Variants in CDH6 observed in about 807,000 individuals in gnomAD.
CDH6 encodes cadherin-6.
In CDH6, 31 loss-of-function variants were observed where a neutral mutation model predicts 78.0. That is an observed-to-expected ratio of 0.40 (90% CI 0.30 to 0.54). The LOEUF (loss-of-function observed/expected upper bound fraction) is 0.54. Ranked by LOEUF, CDH6 falls within the 20% of genes least tolerant of loss-of-function variation. The pLI is 0.56. For synonymous variants in CDH6, 376 were observed against 368.8 expected (o/e 1.02, Z -0.23); for missense variants, 724 against 975.9 (o/e 0.74, Z 3.44).
At chr5:31,196,879 C>T (rs1740182549) in intron 1 of CDH6, among the ~76,000 whole-genome samples, 1 of 152,022 alleles carries the variant, frequency 6.6e-6, no homozygotes, top group Admixed American at 6.6e-5. Context: ...ACTCTACTTC[C>T]TTACTTCTAA....
intron 1 of CDH6, among the ~76,000 whole-genome samples, chr5:31,217,853 G>A (rs988257820): frequency 1.3e-5 from 2 of 151,982 alleles, no homozygotes; most frequent in Non-Finnish European, 2.9e-5. Context: ...TTCCTGTTTC[G>A]TTTAAGCTAT....
intron 1 of CDH6, among the ~76,000 whole-genome samples, chr5:31,262,318 C>T (rs965251159): frequency 6.6e-6 from 1 of 152,212 alleles, no homozygotes; most frequent in Non-Finnish European, 1.5e-5. Flanking sequence ...TATCCATAAA[C>T]ATCTCAATTA....
At chr5:31,293,334 A>T (rs1390021581) in intron 2 of CDH6, among the ~76,000 whole-genome samples, 1 of 152,018 alleles carries the variant, frequency 6.6e-6, no homozygotes, top group Non-Finnish European at 1.5e-5. Context: ...GGCAGCACTT[A>T]GGATATTTCT....
chr5:31,230,820 G>A (rs961690884), intron 1 of CDH6, among the ~76,000 whole-genome samples: 7 of 152,168 alleles, frequency 4.6e-5, no homozygotes, highest in Admixed American at 1.3e-4. Flanking sequence ...ATAGCATCCA[G>A]GTAAAAATAT....
intron 7 of CDH6, among the ~76,000 whole-genome samples, chr5:31,306,474 ATG>A (rs1282856849): frequency 2.0e-5 from 3 of 152,178 alleles, no homozygotes; most frequent in African/African-American, 7.2e-5. Context: ...AGTTGACTAA[ATG>A]AGAAAAGTGC....
chr5:31,315,462 A>G (rs971337722), intron 8 of CDH6, among the ~76,000 whole-genome samples: 1 of 152,240 alleles, frequency 6.6e-6, no homozygotes, highest in Non-Finnish European at 1.5e-5. Context: ...TACACTAGAA[A>G]TCTGTCTTCC....
rs1425484100 is a variant in CDH6 at position 31,317,318 on chromosome 5, T to G, written c.1513-57T>G. On this transcript the variant is annotated intron_variant, in intron 9 of 11. Coordinates refer to ENST00000265071, the MANE Select transcript of CDH6 (RefSeq NM_004932.4). ...TGTCAAGCAATTTATTGCAAAACGG[T>G]AAGAAACACTTTTGAGTTATCAAAA... The G allele has an allele frequency of 7.2e-6, 6 of 827,836 alleles. No homozygotes were observed. In the Admixed American group the frequency reaches 1.4e-4, roughly 19 times the overall value. 51.3% of individuals were successfully genotyped at this position (827,836 alleles called of 1,614,324 possible). A position where few individuals can be genotyped will look rare whatever the true frequency, so the allele number is the denominator to read the frequency against.
At chr5:31,302,972 G>GA (rs1293887009) in intron 6 of CDH6, among the ~76,000 whole-genome samples, 10 of 142,038 alleles carry the variant, frequency 7.0e-5, no homozygotes, top group East Asian at 2.1e-4. Flanking sequence ...AGAAAAGAAA[G>GA]AAAGAAAGAA....
At chr5:31,267,773 G>A in intron 2 of CDH6, 72 bp downstream of exon 2, 3 of 1,129,634 alleles carry the variant, frequency 2.7e-6, no homozygotes, top group African/African-American at 1.5e-5. Flanking sequence ...AAATAGATGG[G>A]GAGGATGTGT....
chr5:31,301,957 TAAG>T (rs1319110596), intron 5 of CDH6, among the ~76,000 whole-genome samples, 151 bp from the exon 6 acceptor site: 1 of 152,190 alleles, frequency 6.6e-6, no homozygotes, highest in Non-Finnish European at 1.5e-5. Flanking sequence ...AAAGTAGACA[TAAG>T]AAGAACAGGC....
intron 7 of CDH6, among the ~76,000 whole-genome samples, chr5:31,311,602 G>A (rs1738156843): frequency 6.6e-6 from 1 of 152,230 alleles, no homozygotes; most frequent in Admixed American, 6.5e-5. Flanking sequence ...AACTACCTGA[G>A]ACTGCGTAAT....
chr5:31,248,775 G>T (rs1741828170), intron 1 of CDH6, among the ~76,000 whole-genome samples: 1 of 152,068 alleles, frequency 6.6e-6, no homozygotes, highest in Admixed American at 6.6e-5. Context: ...AACCTAGGTA[G>T]TATTATGAGA....
intron 1 of CDH6, among the ~76,000 whole-genome samples, chr5:31,236,857 C>T (rs1209191097): frequency 6.6e-6 from 1 of 152,180 alleles, no homozygotes; most frequent in Non-Finnish European, 1.5e-5. Context: ...TCTCCTCTAA[C>T]TGTCTTTCAT....
At chr5:31,279,217 A>G (rs1322541994) in intron 2 of CDH6, among the ~76,000 whole-genome samples, 2 of 152,174 alleles carry the variant, frequency 1.3e-5, no homozygotes, top group Non-Finnish European at 2.9e-5. Context: ...CATATTGTGT[A>G]TGTTATATTT....
chr5:31,195,772 A>T (rs896249593), intron 1 of CDH6, among the ~76,000 whole-genome samples: 14 of 152,134 alleles, frequency 9.2e-5, no homozygotes, highest in African/African-American at 3.4e-4. Context: ...TTGCTCTTTG[A>T]TGTGTTCTAA....
chr5:31,296,965 A>G (rs1737627271), intron 3 of CDH6, among the ~76,000 whole-genome samples: 1 of 152,136 alleles, frequency 6.6e-6, no homozygotes, highest in African/African-American at 2.4e-5. Flanking sequence ...CAAGATGCTG[A>G]TTGACTTTGT....
At chr5:31,290,992 G>A (rs895716275) in intron 2 of CDH6, among the ~76,000 whole-genome samples, 5 of 152,076 alleles carry the variant, frequency 3.3e-5, no homozygotes, top group East Asian at 1.9e-4. Context: ...ATAAGTCATC[G>A]AAATGGTCTC....
chr5:31,305,260 G>T lies in CDH6; in HGVS notation c.1086G>T (p.Gly362=). The T allele has an allele frequency of 1.2e-6, 2 of 1,614,096 alleles. No homozygotes were observed. The highest frequency in any genetic ancestry group is 1.7e-6 in the Non-Finnish European group (2 of 1,179,992). The change falls in exon 7 of 12, where the codon GGG becomes GGT. Residue 362 remains glycine, a synonymous_variant. Coordinates refer to ENST00000265071, the MANE Select transcript of CDH6 (RefSeq NM_004932.4). ...PYVEPRFLYL[G]PFKDSATVRI... ...TTGAGCCACGATTTCTCTACTTGGG[G>T]CCTTTCAAAGATTCAGCCACGGTTA... is the stretch of plus-strand genomic sequence containing the variant.
intron 2 of CDH6, among the ~76,000 whole-genome samples, chr5:31,281,549 TCA>T (rs1218290115): frequency 2.6e-5 from 4 of 152,196 alleles, no homozygotes; most frequent in Admixed American, 6.5e-5. Flanking sequence ...GAGACTAATG[TCA>T]CAGTCTGCCA....
Sources: gnomAD v4.1 joint callset for allele counts (sites outside exome capture counted in the v4.1 genomes callset) on GRCh38, gnomAD v4.1.1 for gene constraint, MANE v1.5 for transcripts, NCBI Gene and HGNC (gene_info 2026-07-23, HGNC 2026-07-21) for gene names.